RABGAP1: variants seen among roughly 807,000 people sequenced by gnomAD.
The protein encoded by RABGAP1 is RAB GTPase activating protein 1, also known as rab GTPase-activating protein 1.
RABGAP1 carries 23 observed loss-of-function variants against 137.6 expected under a neutral mutation model. The ratio of observed to expected loss-of-function variants is 0.17; its 90% CI spans 0.12 to 0.24. RABGAP1 has a LOEUF of 0.24. Ranked by LOEUF, RABGAP1 falls within the 10% of genes least tolerant of loss-of-function variation. The pLI is 1.00. For synonymous variants in RABGAP1, 451 were observed against 450.7 expected (o/e 1.00, Z -0.01); for missense variants, 906 against 1,275.8 (o/e 0.71, Z 4.42).
intron 21 of RABGAP1, among the ~76,000 whole-genome samples, chr9:123,096,729 C>T (rs574466852): frequency 3.9e-5 from 6 of 152,216 alleles, no homozygotes; most frequent in East Asian, 1.9e-4. Flanking sequence ...CCACCACGCC[C>T]GGCTAATTTT....
chr9:123,041,955 A>C (rs968733106), intron 13 of RABGAP1, among the ~76,000 whole-genome samples: 2 of 152,078 alleles, frequency 1.3e-5, no homozygotes, highest in Admixed American at 1.3e-4. Context: ...TCCCCATCCC[A>C]CCTGAATCCC....
intron 14 of RABGAP1, among the ~76,000 whole-genome samples, chr9:123,068,403 T>A (rs972264422): frequency 2.6e-5 from 4 of 151,264 alleles, no homozygotes; most frequent in African/African-American, 9.7e-5. Context: ...AGTTGTGGGA[T>A]TTTAACCCAA....
intron 13 of RABGAP1, among the ~76,000 whole-genome samples, chr9:123,039,680 T>C (rs111499308): frequency 8.8e-4 from 134 of 152,330 alleles, no homozygotes; most frequent in African/African-American, 3.0e-3. Flanking sequence ...CCCAGAGAAC[T>C]TCAGGCAGTG....
At position 122,999,270 on chromosome 9, in the gene RABGAP1, G is replaced by A. The variant is rs182867415; in HGVS notation, c.1374+504G>A. Among the ~76,000 whole-genome samples, 1,346 of 151,836 alleles carry A rather than the reference G, an allele frequency of 8.9e-3. 17 individuals carry two copies. Among genetic ancestry groups the A allele is most frequent in the African/African-American group, 0.031 (1,269 of 41,400 alleles). On this transcript the variant is annotated intron_variant, in intron 10 of 25. Coordinates refer to ENST00000373647, the MANE Select transcript of RABGAP1 (RefSeq NM_012197.4). ...GCAATCTTGGCTCACTGCAACCTCCGCCTCCCGGGTTCAAGTGATTTTCCT... is the reference window on the plus strand; with the variant it reads ...GCAATCTTGGCTCACTGCAACCTCCACCTCCCGGGTTCAAGTGATTTTCCT...
intron 13 of RABGAP1, among the ~76,000 whole-genome samples, chr9:123,033,085 T>C (rs2032394588): frequency 6.6e-6 from 1 of 152,206 alleles, no homozygotes; most frequent in Non-Finnish European, 1.5e-5. Flanking sequence ...TATTTTTCTC[T>C]TGAAAAAGTG....
intron 1 of RABGAP1, among the ~76,000 whole-genome samples, chr9:122,952,643 G>A (rs1484721470): frequency 6.6e-6 from 1 of 152,140 alleles, no homozygotes; most frequent in African/African-American, 2.4e-5. Context: ...GGTGGAGGTA[G>A]GAGGATCACC....
At chr9:122,986,039 A>AGAAGG (rs1376697169) in intron 3 of RABGAP1, among the ~76,000 whole-genome samples, 176 bp from the exon 4 acceptor site, 1 of 152,220 alleles carries the variant, frequency 6.6e-6, no homozygotes, top group Non-Finnish European at 1.5e-5. Flanking sequence ...TGTTTCTGAC[A>AGAAGG]GAGTTCTAGT....
intron 2 of RABGAP1, among the ~76,000 whole-genome samples, chr9:122,981,356 A>T (rs1411110394): frequency 3.3e-5 from 5 of 152,170 alleles, no homozygotes. Flanking sequence ...AGAACTTCTG[A>T]AAAAAGATAA....
At chr9:123,101,819 T>G in intron 25 of RABGAP1, 56 bp downstream of exon 25, 2 of 1,473,724 alleles carry the variant, frequency 1.4e-6, no homozygotes, top group Non-Finnish European at 1.8e-6. Context: ...TGATGTGCAC[T>G]AGAGACCCCA....
chr9:123,062,482 C>T (rs1451739068), intron 13 of RABGAP1: 3 of 152,162 alleles, frequency 2.0e-5, no homozygotes, highest in Non-Finnish European at 4.4e-5. Flanking sequence ...ATGTGGCCTC[C>T]AGCAAGTCAA....
chr9:123,032,271 G>A (rs556328355), intron 13 of RABGAP1, among the ~76,000 whole-genome samples: 2 of 152,308 alleles, frequency 1.3e-5, no homozygotes, highest in South Asian at 4.1e-4. Flanking sequence ...AGTAAGGAGT[G>A]TTGTTCTCAT....
At chr9:123,063,697 A>G (rs977235332) in intron 13 of RABGAP1, among the ~76,000 whole-genome samples, 5 of 152,210 alleles carry the variant, frequency 3.3e-5, no homozygotes, top group Admixed American at 6.5e-5. Flanking sequence ...AAACACCTCA[A>G]TCATTTACAC....
intron 13 of RABGAP1, among the ~76,000 whole-genome samples, chr9:123,031,120 A>G (rs999436727): frequency 3.9e-5 from 6 of 152,116 alleles, no homozygotes; most frequent in African/African-American, 1.4e-4. Context: ...ATTTTCAGCC[A>G]TTGTATTGTC....
At chr9:123,029,576 T>C (rs919853313) in intron 13 of RABGAP1, 8 of 754,376 alleles carry the variant, frequency 1.1e-5, no homozygotes, top group Admixed American at 1.7e-5. Context: ...GGGAACTTCC[T>C]TACAGAGTTT....
intron 1 of RABGAP1, among the ~76,000 whole-genome samples, chr9:122,955,431 A>G (rs1286192017): frequency 3.3e-5 from 5 of 152,216 alleles, no homozygotes; most frequent in Non-Finnish European, 7.4e-5. Flanking sequence ...ACAATTTGAA[A>G]TGTTTTTGAA....
Position 122,967,836 on chromosome 9 carries a change from C to G in RABGAP1, c.150+10627C>G, listed in dbSNP as rs537662935. Among the ~76,000 whole-genome samples the G allele has an allele frequency of 2.6e-5, 4 of 151,844 alleles. No individual in the cohort carries two copies. The South Asian group carries it at 6.3e-4, about 24-fold the overall frequency. The stretch of plus-strand genomic sequence containing the variant: ...CCATCTTCCGGGTTCAAGTGATTCT[C>G]CTGCCTCAGCCTCCTGAGTAGCTGG... On this transcript the variant is annotated intron_variant, in intron 2 of 25. Transcript: ENST00000373647.
chr9:122,998,395 G>A (rs1043285747), intron 9 of RABGAP1, among the ~76,000 whole-genome samples: 27 of 152,144 alleles, frequency 1.8e-4, no homozygotes, highest in African/African-American at 2.4e-5. Context: ...GTATACTACT[G>A]TCAGTTACTT....
intron 1 of RABGAP1, among the ~76,000 whole-genome samples, chr9:122,945,746 C>T (rs907588789): frequency 3.3e-5 from 5 of 152,192 alleles, no homozygotes; most frequent in Admixed American, 6.5e-5. Context: ...GTACCTAAAT[C>T]TGGCATTTCT....
At chr9:123,094,088 TTGTGACCTTGTATCC>T (rs1282593962) in intron 21 of RABGAP1, among the ~76,000 whole-genome samples, 1 of 152,250 alleles carries the variant, frequency 6.6e-6, no homozygotes, top group East Asian at 1.9e-4. Flanking sequence ...GGTCTTTGTG[TTGTGACCTTGTATCC>T]TGTGACCTTG....
Sources: gnomAD v4.1 joint callset for allele counts (sites outside exome capture counted in the v4.1 genomes callset) on GRCh38, gnomAD v4.1.1 for gene constraint, MANE v1.5 for transcripts, NCBI Gene and HGNC (gene_info 2026-07-23, HGNC 2026-07-21) for gene names.